The following ZNF587B variants were observed in gnomAD, a reference collection of about 807,000 sequenced individuals.
The protein encoded by ZNF587B is zinc finger protein 587B.
In ZNF587B, 6 loss-of-function variants were observed where a neutral mutation model predicts 7.2. The observed-to-expected ratio is 0.83, with a 90% confidence interval of 0.46 to 1.65. The LOEUF (loss-of-function observed/expected upper bound fraction) is 1.65. Ranked by LOEUF, ZNF587B falls within the 40% of genes most tolerant of loss-of-function variation. The pLI is 0.01. For synonymous variants in ZNF587B, 274 were observed against 254.3 expected (o/e 1.08, Z -0.74); for missense variants, 749 against 761.0 (o/e 0.98, Z 0.19).
chr19:57,837,826 C>T (rs868351998), intron 1 of ZNF587B, among the ~76,000 whole-genome samples: 2 of 152,062 alleles, frequency 1.3e-5, no homozygotes, highest in South Asian at 4.2e-4. Context: ...CTCAGGCGAT[C>T]CACCCGGCTC....
At chr19:57,831,894 C>T (rs1055573197) in intron 1 of ZNF587B, among the ~76,000 whole-genome samples, 1 of 150,892 alleles carries the variant, frequency 6.6e-6, no homozygotes, top group East Asian at 2.0e-4. Context: ...TTAGTAGAGA[C>T]GGGGTTTCGC....
rs532151561 is a variant in ZNF587B at position 57,830,345 on chromosome 19, C to T, written c.-184C>T. ...TCGGAGAGGCTCCTGAGCGCTAGGT[C>T]GGCACTGCGGTGACTGAACCCAGAA... On this transcript the variant is annotated 5_prime_UTR_variant, in exon 1 of 3. Coordinates refer to ENST00000594901, the MANE Select transcript of ZNF587B (RefSeq NM_001376223.1). 4 of 588,100 alleles carry T rather than the reference C, an allele frequency of 6.8e-6. No individual in the cohort carries two copies. Among genetic ancestry groups the T allele is most frequent in the African/African-American group, 1.9e-5 (1 of 53,148 alleles). The allele number at this position is 588,100 out of a possible 1,614,324, so 36.4% of individuals were successfully genotyped here. A position where few individuals can be genotyped will look rare whatever the true frequency, so the allele number is the denominator to read the frequency against.
At chr19:57,832,249 G>T (rs1232504814) in intron 1 of ZNF587B, among the ~76,000 whole-genome samples, 1 of 151,550 alleles carries the variant, frequency 6.6e-6, no homozygotes, top group East Asian at 2.0e-4. Flanking sequence ...ACTATGCCCG[G>T]CTTATTTTTG....
At position 57,844,344 on chromosome 19, in the gene ZNF587B, A is replaced by T. The variant is rs775177667; in HGVS notation, c.*1768A>T. 9.0e-5 allele frequency: 26 copies of T among 289,026 alleles called. No homozygotes were observed. The Admixed American group carries it at 1.1e-3, about 12-fold the overall frequency. The allele number at this position is 289,026 out of a possible 1,614,324, so 17.9% of individuals were successfully genotyped here. ...ATAGTGAAATCCTGTCTCTTCTAAAAATATAAAAATTAGCCGGGCATGGTG... is the reference window on the plus strand; with the variant it reads ...ATAGTGAAATCCTGTCTCTTCTAAATATATAAAAATTAGCCGGGCATGGTG... On this transcript the variant is annotated 3_prime_UTR_variant, in exon 3 of 3. Transcript: ENST00000594901.
chr19:57,835,552 G>GT (rs1988569104), intron 1 of ZNF587B, among the ~76,000 whole-genome samples: 1 of 133,364 alleles, frequency 7.5e-6, no homozygotes, highest in Non-Finnish European at 1.6e-5. Flanking sequence ...TAGAGACAGA[G>GT]TTTTTCACCG....
rs778758347 is a variant in ZNF587B, at chr19:57,840,911, C to G, written c.237C>G (p.Val79=). 1.7e-4 allele frequency: 260 copies of G among 1,563,768 alleles called. No individual in the cohort carries two copies. The highest frequency in any genetic ancestry group is 2.2e-4 in the Non-Finnish European group (250 of 1,154,934). The change falls in exon 3 of 3, where the codon GTC becomes GTG. Residue 79 remains valine (V), a synonymous_variant. Coordinates refer to ENST00000594901, the MANE Select transcript of ZNF587B (RefSeq NM_001376223.1). ...QSIYIQRETQ[V]RTPVTGVSPK... is the part of the protein sequence containing the mutation. Reference sequence around the variant, plus strand: ...TTTATATACAAAGAGAGACTCAGGTCAGGACTCCTGTGACAGGTGTGTCTC... The same window carrying G: ...TTTATATACAAAGAGAGACTCAGGTGAGGACTCCTGTGACAGGTGTGTCTC...
chr19:57,839,751 C>T (rs1445456809), intron 2 of ZNF587B, among the ~76,000 whole-genome samples: 1 of 152,060 alleles, frequency 6.6e-6, no homozygotes, highest in Middle Eastern at 3.4e-3. Context: ...AATTCAGCCT[C>T]AGCATAATAG....
At chr19:57,831,286 A>G (rs1202105465) in intron 1 of ZNF587B, among the ~76,000 whole-genome samples, 1 of 152,182 alleles carries the variant, frequency 6.6e-6, no homozygotes, top group African/African-American at 2.4e-5. Flanking sequence ...GAATCTAAAA[A>G]CAGGGTTAGT....
Position 57,844,153 on chromosome 19 carries a change from A to G in ZNF587B, c.*1577A>G. 1 of 353,930 alleles carries G rather than the reference A, an allele frequency of 2.8e-6. No individual in the cohort carries two copies. Among genetic ancestry groups the G allele is most frequent in the Non-Finnish European group, 5.5e-6 (1 of 182,406 alleles). 21.9% of individuals were successfully genotyped at this position (353,930 alleles called of 1,614,324 possible). On this transcript the variant is annotated 3_prime_UTR_variant, in exon 3 of 3. Transcript: ENST00000594901. ...TTTTCATTTCTTTCTGATAAGTTACACCATGGACCTTCCCCATTTTTGTCC... is the reference window on the plus strand; with the variant it reads ...TTTTCATTTCTTTCTGATAAGTTACGCCATGGACCTTCCCCATTTTTGTCC...
rs775298189 is a variant in ZNF587B, at chr19:57,841,683, TC to T, written c.1010del (p.Ser337Ter). 1 of 1,605,282 alleles carries T rather than the reference TC, an allele frequency of 6.2e-7. No individual in the cohort carries two copies. Among genetic ancestry groups the T allele is most frequent in the Admixed American group, 1.7e-5 (1 of 58,226 alleles). On this transcript the variant is annotated frameshift_variant, in exon 3 of 3. Coordinates refer to ENST00000594901, the MANE Select transcript of ZNF587B (RefSeq NM_001376223.1). LOFTEE classifies it low-confidence loss of function (END_TRUNC). Reference sequence around the variant, plus strand: ...TGGAGAATGTGGGAAATCTTTTAGTTCAAACGTGAACCTTAAGAGTCATCAG... The same window carrying T: ...TGGAGAATGTGGGAAATCTTTTAGTTAAACGTGAACCTTAAGAGTCATCAG... ...ECGECGKSFSSNVNLKSHQRI... is the reference protein window; with the variant it reads ...ECGECGKSFSXNVNLKSHQRI...
At chr19:57,835,110 G>A in intron 1 of ZNF587B, among the ~76,000 whole-genome samples, 1 of 98,946 alleles carries the variant, frequency 1.0e-5, no homozygotes, top group Non-Finnish European at 2.0e-5. Context: ...TGATCAGAGT[G>A]GGGAGGTGAT....
Position 57,843,465 on chromosome 19 carries a change from T to G in ZNF587B, c.*889T>G. ...CAAAAGCCATTACATCTCAGCTACT[T>G]GGTAGGTACCCACATTGCATCATTC... On this transcript the variant is annotated 3_prime_UTR_variant, in exon 3 of 3. Coordinates refer to ENST00000594901, the MANE Select transcript of ZNF587B (RefSeq NM_001376223.1). 1.0e-6 allele frequency: 1 copy of G among 985,432 alleles called. No homozygotes were observed. Among genetic ancestry groups the G allele is most frequent in the East Asian group, 1.1e-4 (1 of 8,820 alleles). The allele number at this position is 985,432 out of a possible 1,614,324, so 61.0% of individuals were successfully genotyped here. A position where few individuals can be genotyped will look rare whatever the true frequency, so the allele number is the denominator to read the frequency against.
Position 57,843,724 on chromosome 19 carries a change from C to T in ZNF587B, c.*1148C>T, listed in dbSNP as rs1010999708. The T allele has an allele frequency of 4.1e-5, 14 of 344,414 alleles. No homozygotes were observed. Among genetic ancestry groups the T allele is most frequent in the Non-Finnish European group, 1.6e-5 (4 of 245,674 alleles). 21.3% of individuals were successfully genotyped at this position (344,414 alleles called of 1,614,324 possible). A position where few individuals can be genotyped will look rare whatever the true frequency, so the allele number is the denominator to read the frequency against. On this transcript the variant is annotated 3_prime_UTR_variant, in exon 3 of 3. Transcript: ENST00000594901. The stretch of plus-strand genomic sequence containing the variant: ...TCAAGCAATTCTCCTTTCTCAGCCT[C>T]CTGAGTAGCTGGGATTACAGGTGCC...
chr19:57,838,506 C>G (rs1382831201), intron 1 of ZNF587B, among the ~76,000 whole-genome samples: 2 of 150,906 alleles, frequency 1.3e-5, no homozygotes, highest in Non-Finnish European at 3.0e-5. Flanking sequence ...GAGGCTGAGG[C>G]AGAAGAATTG....
In ZNF587B at chr19:57,842,611, G is replaced by T. The variant is rs1234340938; in HGVS notation, c.*35G>T. ...ATGAGTCCAGTCTCATTAAATACAG[G>T]AGAGCACACACCTGAGTAAGATCTT... is the stretch of plus-strand genomic sequence containing the variant. On this transcript the variant is annotated 3_prime_UTR_variant, in exon 3 of 3. Transcript: ENST00000594901. 1 of 1,432,434 alleles carries T rather than the reference G, an allele frequency of 7.0e-7. No individual in the cohort carries two copies. Among genetic ancestry groups the T allele is most frequent in the Admixed American group, 2.8e-5 (1 of 35,484 alleles). The allele number at this position is 1,432,434 out of a possible 1,614,324, so 88.7% of individuals were successfully genotyped here. A position where few individuals can be genotyped will look rare whatever the true frequency, so the allele number is the denominator to read the frequency against.
Position 57,843,745 on chromosome 19 carries a change from G to A in ZNF587B, c.*1169G>A, listed in dbSNP as rs766690659. The A allele has an allele frequency of 4.7e-5, 12 of 253,636 alleles. No homozygotes were observed. Among genetic ancestry groups the A allele is most frequent in the Non-Finnish European group, 6.8e-5 (11 of 161,662 alleles). The allele number at this position is 253,636 out of a possible 1,614,324, so 15.7% of individuals were successfully genotyped here. On this transcript the variant is annotated 3_prime_UTR_variant, in exon 3 of 3. Coordinates refer to ENST00000594901, the MANE Select transcript of ZNF587B (RefSeq NM_001376223.1). Reference sequence around the variant, plus strand: ...GCCTCCTGAGTAGCTGGGATTACAGGTGCCTGCCACCACACCCAGGTAATT... The same window carrying A: ...GCCTCCTGAGTAGCTGGGATTACAGATGCCTGCCACCACACCCAGGTAATT...
intron 1 of ZNF587B, among the ~76,000 whole-genome samples, chr19:57,837,466 T>G (rs1217964904): frequency 6.6e-6 from 1 of 150,640 alleles, no homozygotes; most frequent in Non-Finnish European, 1.5e-5. Context: ...TGGTTTTGTT[T>G]GAGATGGAGT....
chr19:57,836,551 T>C (rs531981894), intron 1 of ZNF587B, among the ~76,000 whole-genome samples: 24 of 152,316 alleles, frequency 1.6e-4, no homozygotes, highest in African/African-American at 5.8e-4. Context: ...AAACATGGTC[T>C]TGCCTTGTCG....
rs1988323046 is a variant in ZNF587B at position 57,830,348 on chromosome 19, C to T, written c.-181C>T. ...GAGAGGCTCCTGAGCGCTAGGTCGG[C>T]ACTGCGGTGACTGAACCCAGAAGGC... On this transcript the variant is annotated 5_prime_UTR_variant, in exon 1 of 3. Coordinates refer to ENST00000594901, the MANE Select transcript of ZNF587B (RefSeq NM_001376223.1). 2 of 616,852 alleles carry T rather than the reference C, an allele frequency of 3.2e-6. No individual in the cohort carries two copies. Among genetic ancestry groups the T allele is most frequent in the South Asian group, 4.1e-5 (2 of 49,148 alleles). 38.2% of individuals were successfully genotyped at this position (616,852 alleles called of 1,614,324 possible). A position where few individuals can be genotyped will look rare whatever the true frequency, so the allele number is the denominator to read the frequency against.
Sources: allele counts gnomAD v4.1 joint callset (sites outside exome capture counted in the v4.1 genomes callset), GRCh38; gene constraint gnomAD v4.1.1; transcripts MANE v1.5; gene names NCBI Gene and HGNC (gene_info 2026-07-23, HGNC 2026-07-21).